Variants in CUX2 observed in about 807,000 individuals in gnomAD.
The protein encoded by CUX2 is cut like homeobox 2, also known as homeobox protein cut-like 2.
CUX2 carries 40 observed loss-of-function variants against 144.8 expected under a neutral mutation model. The observed-to-expected ratio is 0.28, with a 90% CI of 0.21 to 0.36. The LOEUF is 0.36. Ranked by LOEUF, CUX2 falls within the 10% of genes least tolerant of loss-of-function variation. The pLI is 1.00. For missense variants in CUX2, 1,615 were observed against 1,994.0 expected (o/e 0.81, Z 3.62); for synonymous variants, 827 against 875.6 (o/e 0.94, Z 0.98).
At chr12:111,257,102 G>A (rs1472336718) in intron 3 of CUX2, among the ~76,000 whole-genome samples, 5 of 152,088 alleles carry the variant, frequency 3.3e-5, no homozygotes, top group Non-Finnish European at 7.4e-5. Flanking sequence ...GTATCACAGT[G>A]GGCTGCGTAA....
rs536649965 is a variant in CUX2, at chr12:111,220,085, A to G, written c.222+2148A>G. Among the ~76,000 whole-genome samples, 4 of 152,092 alleles carry G rather than the reference A, an allele frequency of 2.6e-5. No homozygotes were observed. In the East Asian group the frequency reaches 7.7e-4, roughly 29 times the overall value. ...CTTGAACCCAGGAGGCGGAGGTTGC[A>G]GTGAGCCAAGATCACGCCACTGCAT... is the stretch of plus-strand genomic sequence containing the variant. On this transcript the variant is annotated intron_variant, in intron 3 of 21. Coordinates refer to ENST00000261726, the MANE Select transcript of CUX2 (RefSeq NM_015267.4).
At chr12:111,218,470 C>T (rs1037748049) in intron 3 of CUX2, among the ~76,000 whole-genome samples, 8 of 152,242 alleles carry the variant, frequency 5.3e-5, no homozygotes, top group South Asian at 2.1e-4. Flanking sequence ...GATTCATGAT[C>T]GCACCACTGC....
intron 1 of CUX2, among the ~76,000 whole-genome samples, chr12:111,090,790 C>T (rs2136054085): frequency 6.6e-6 from 1 of 151,940 alleles, no homozygotes; most frequent in African/African-American, 2.4e-5. Flanking sequence ...TGCCACCAAC[C>T]CATCAGCTGA....
At chr12:111,192,431 G>A (rs1167585788) in intron 1 of CUX2, among the ~76,000 whole-genome samples, 1 of 152,084 alleles carries the variant, frequency 6.6e-6, no homozygotes, top group African/African-American at 2.4e-5. Context: ...CACCCTGATG[G>A]CTGAGGGGAT....
Position 111,348,501 on chromosome 12 carries a change from G to A in CUX2, c.*176G>A, listed in dbSNP as rs1207049399. 7.5e-6 allele frequency: 5 copies of A among 670,994 alleles called. No homozygotes were observed. In the African/African-American group the frequency reaches 9.1e-5, roughly 12 times the overall value. The allele number at this position is 670,994 out of a possible 1,614,324, so 41.6% of individuals were successfully genotyped here. ...TAGTTCTATGAAGCTGTGTGAGCAGGTGGGTCAAATGCCATTGCCTCCACT... is the reference window on the plus strand; with the variant it reads ...TAGTTCTATGAAGCTGTGTGAGCAGATGGGTCAAATGCCATTGCCTCCACT... On this transcript the variant is annotated 3_prime_UTR_variant, in exon 22 of 22. Transcript: ENST00000261726.
chr12:111,334,480 C>A lies in CUX2; in HGVS notation c.2966C>A (p.Pro989His). The A allele has an allele frequency of 6.2e-7, 1 of 1,611,576 alleles. No homozygotes were observed. The highest frequency in any genetic ancestry group is 8.5e-7 in the Non-Finnish European group (1 of 1,178,590). ...CCAAGGTCCTCACCATCCCCACCCC[C>A]CAGCCCCACAGAGCCTGAGAAGAGC... is the stretch of plus-strand genomic sequence containing the variant. ...TEPRSSPSPP[P>H]SPTEPEKSSQ... The change falls in exon 19 of 22, where the codon CCC becomes CAC. Residue 989 changes from proline to histidine, a missense_variant. Physicochemically the swap from Pro to His is moderately conservative, Grantham distance 77. Transcript: ENST00000261726.
chr12:111,042,180 G>A (rs927960887), intron 1 of CUX2, among the ~76,000 whole-genome samples: 1 of 152,262 alleles, frequency 6.6e-6, no homozygotes, highest in South Asian at 2.1e-4. Flanking sequence ...GTGAGCCGCC[G>A]TCGCTCAAGC....
chr12:111,276,856 T>C (rs1884903722), intron 4 of CUX2, among the ~76,000 whole-genome samples: 1 of 152,100 alleles, frequency 6.6e-6, no homozygotes, highest in Non-Finnish European at 1.5e-5. Context: ...CCATATTGGC[T>C]AGGCTAGTCT....
chr12:111,086,974 C>T (rs1407765952), intron 1 of CUX2, among the ~76,000 whole-genome samples: 1 of 152,140 alleles, frequency 6.6e-6, no homozygotes, highest in Non-Finnish European at 1.5e-5. Flanking sequence ...TTACCCATTG[C>T]TATTCGAGCT....
At chr12:111,216,662 A>AC (rs1354404306) in intron 2 of CUX2, among the ~76,000 whole-genome samples, 2 of 151,982 alleles carry the variant, frequency 1.3e-5, no homozygotes, top group African/African-American at 2.4e-5. Context: ...ATTTGAGTTC[A>AC]CCACCTGTGA....
At chr12:111,105,541 C>A (rs952098929) in intron 1 of CUX2, among the ~76,000 whole-genome samples, 1 of 152,000 alleles carries the variant, frequency 6.6e-6, no homozygotes, top group Non-Finnish European at 1.5e-5. Context: ...GCTCTCCCTG[C>A]CTCTCCAGAG....
chr12:111,305,178 C>G (rs1207156274), intron 10 of CUX2, among the ~76,000 whole-genome samples: 1 of 152,188 alleles, frequency 6.6e-6, no homozygotes, highest in Non-Finnish European at 1.5e-5. Context: ...TCCTGGCTCT[C>G]CCAGAGAGCC....
chr12:111,233,073 G>C (rs1171697948), intron 3 of CUX2, among the ~76,000 whole-genome samples: 1 of 152,208 alleles, frequency 6.6e-6, no homozygotes, highest in African/African-American at 2.4e-5. Flanking sequence ...CTAGTCACAG[G>C]AAGAGAGGAA....
intron 9 of CUX2, among the ~76,000 whole-genome samples, chr12:111,300,273 A>G (rs939014592): frequency 2.0e-5 from 3 of 151,960 alleles, no homozygotes; most frequent in African/African-American, 7.3e-5. Flanking sequence ...GGCACGCACC[A>G]CCACATCCGG....
At chr12:111,098,128 T>C (rs1192543690) in intron 1 of CUX2, among the ~76,000 whole-genome samples, 1 of 152,104 alleles carries the variant, frequency 6.6e-6, no homozygotes, top group African/African-American at 2.4e-5. Flanking sequence ...AGCTGGGCGC[T>C]GTGGCTTTAC....
intron 1 of CUX2, among the ~76,000 whole-genome samples, chr12:111,112,414 G>T (rs766476686): frequency 6.6e-6 from 1 of 152,196 alleles, no homozygotes; most frequent in Non-Finnish European, 1.5e-5. Flanking sequence ...TGCATTAATT[G>T]CATGATGCTG....
At position 111,238,007 on chromosome 12, in the gene CUX2, A is replaced by C. The variant is rs562068538; in HGVS notation, c.222+20070A>C. ...CACCTTCCTCAGCTGTGACAACCGA[A>C]AATGTCTCCAGACGTTGCTAGATGT... On this transcript the variant is annotated intron_variant, in intron 3 of 21. Transcript: ENST00000261726. 2.0e-5 allele frequency among the ~76,000 whole-genome samples: 3 copies of C among 152,218 alleles called. No homozygotes were observed. In the East Asian group the frequency reaches 5.8e-4, roughly 29 times the overall value.
intron 1 of CUX2, among the ~76,000 whole-genome samples, chr12:111,141,874 C>T (rs1363621514): frequency 1.3e-5 from 2 of 152,222 alleles, no homozygotes; most frequent in African/African-American, 4.8e-5. Flanking sequence ...CACTTGAGGC[C>T]AGGAGTTCGA....
chr12:111,200,774 C>T (rs937018527), intron 1 of CUX2, among the ~76,000 whole-genome samples: 3 of 152,142 alleles, frequency 2.0e-5, no homozygotes, highest in Non-Finnish European at 4.4e-5. Context: ...ACATTTAGTT[C>T]GACCTCTCAT....
Sources: allele counts gnomAD v4.1 joint callset (sites outside exome capture counted in the v4.1 genomes callset), GRCh38; gene constraint gnomAD v4.1.1; transcripts MANE v1.5; gene names NCBI Gene and HGNC (gene_info 2026-07-23, HGNC 2026-07-21).